The following SRPRA variants were observed in gnomAD, a reference collection of about 807,000 sequenced individuals.
The protein encoded by SRPRA is SRP receptor subunit alpha.
SRPRA carries 30 observed loss-of-function variants against 61.1 expected under a neutral mutation model. The ratio of observed to expected loss-of-function variants is 0.49; its 90% CI spans 0.37 to 0.67. The LOEUF (loss-of-function observed/expected upper bound fraction) is 0.67. Ranked by LOEUF, SRPRA falls within the 30% of genes least tolerant of loss-of-function variation. The pLI is 0.00. For synonymous variants in SRPRA, 324 were observed against 299.7 expected, an observed-to-expected ratio of 1.08 and a Z score of -0.84; for missense variants, 759 against 828.4, an observed-to-expected ratio of 0.92 and a Z score of 1.03.
At chr11:126,241,606 G>A in the SRPRA span, among the ~76,000 whole-genome samples, 4 of 151,878 alleles carry the variant, frequency 2.6e-5, no homozygotes, top group African/African-American at 9.7e-5. Flanking sequence ...CTGAAGTTCA[G>A]TGGTTCGATC....
chr11:126,268,857 G>C lies in SRPRA; in HGVS notation c.-53C>G. The C allele has an allele frequency of 6.9e-7, 1 of 1,452,416 alleles. No homozygotes were observed. Among genetic ancestry groups the C allele is most frequent in the Non-Finnish European group, 9.6e-7 (1 of 1,037,366 alleles). The allele number at this position is 1,452,416 out of a possible 1,614,324, so 90.0% of individuals were successfully genotyped here. ...GGCGCCGGGAATTCAGGCCGCGTTC[G>C]CCGCCGCTTCCTGCTGCGCCAAGCG... On this transcript the variant is annotated 5_prime_UTR_variant, in exon 1 of 14. Transcript: ENST00000332118.
In SRPRA at chr11:126,265,715, T is replaced by G. The variant is rs779699873; in HGVS notation, c.1138+22A>C. The G allele has an allele frequency of 7.4e-6, 12 of 1,612,414 alleles. No individual in the cohort carries two copies. On this transcript the variant is annotated intron_variant, in intron 9 of 13. Transcript: ENST00000332118. The surrounding 1 kb of genome is among the most constrained non-coding windows in gnomAD (Gnocchi z 6.3). ...GCACTTAACCTACACATAAGCACTT[T>G]CTCACTTAGGTAAGTACTTACTGCT...
At position 126,265,883 on chromosome 11, in the gene SRPRA, C is replaced by T. The variant is rs1355144366; in HGVS notation, c.1052-60G>A. The T allele has an allele frequency of 8.1e-6, 13 of 1,611,774 alleles. No homozygotes were observed. The highest frequency in any genetic ancestry group is 8.5e-6 in the Non-Finnish European group (10 of 1,177,934). ...TCAGCAATGACCAATCTTTATGGTA[C>T]AGGTGAGAAACGCTAGGTGATTCTG... On this transcript the variant is annotated intron_variant, in intron 8 of 13. Transcript: ENST00000332118. This position sits in a 1 kb window ranked among gnomAD's most constrained non-coding sequence, Gnocchi z 6.3.
the SRPRA span, among the ~76,000 whole-genome samples, chr11:126,242,860 T>C: frequency 6.6e-6 from 1 of 152,220 alleles, no homozygotes; most frequent in Non-Finnish European, 1.5e-5. Context: ...GCAACTGCAC[T>C]CATAAGTATA....
downstream of SRPRA, chr11:126,261,145 G>T: frequency 3.2e-6 from 1 of 308,682 alleles, no homozygotes; most frequent in East Asian, 7.2e-5. Flanking sequence ...GACACATGTT[G>T]CCTGTATGTG....
the SRPRA span, among the ~76,000 whole-genome samples, chr11:126,244,073 GC>G: frequency 4.6e-5 from 7 of 151,884 alleles, no homozygotes; most frequent in Non-Finnish European, 1.0e-4. This position sits in a 1 kb window ranked among gnomAD's most constrained non-coding sequence, Gnocchi z 4.5. Context: ...AGGAATAATA[GC>G]AAACAATAGA....
At chr11:126,255,808 C>G in the SRPRA span, among the ~76,000 whole-genome samples, 1 of 151,382 alleles carries the variant, frequency 6.6e-6, no homozygotes, top group African/African-American at 2.4e-5. The surrounding 1 kb of genome is among the most constrained non-coding windows in gnomAD (Gnocchi z 4.6). Context: ...GGAAAATTAG[C>G]TGGGCGTGCT....
the SRPRA span, among the ~76,000 whole-genome samples, chr11:126,237,856 C>CAAAA: frequency 1.7e-5 from 1 of 60,030 alleles, no homozygotes; most frequent in Non-Finnish European, 3.4e-5. Flanking sequence ...ACTCCGTCTC[C>CAAAA]AAAAAAAAAA....
At chr11:126,248,964 T>C in the SRPRA span, among the ~76,000 whole-genome samples, 4 of 152,260 alleles carry the variant, frequency 2.6e-5, no homozygotes, top group African/African-American at 9.6e-5. Context: ...GTCTTTTCAG[T>C]TGTAAAGCCA....
In SRPRA at chr11:126,268,872, T is replaced by A. The variant is rs990822995; in HGVS notation, c.-68A>T. 5 of 1,336,290 alleles carry A rather than the reference T, an allele frequency of 3.7e-6. No homozygotes were observed. In the Admixed American group the frequency reaches 5.2e-5, roughly 14 times the overall value. The allele number at this position is 1,336,290 out of a possible 1,614,324, so 82.8% of individuals were successfully genotyped here. ...GGCCGCGTTCGCCGCCGCTTCCTGC[T>A]GCGCCAAGCGCGGGACACGTCACAC... On this transcript the variant is annotated 5_prime_UTR_variant, in exon 1 of 14. Transcript: ENST00000332118.
In SRPRA at chr11:126,264,309, G is replaced by C. The variant is rs748400215; in HGVS notation, c.1690-20C>G. Reference sequence around the variant, plus strand: ...CTTGACCTGGAAAGAAAAAGTGATAGAAGTGTAAGAACCATCTAAATTGAC... The same window carrying C: ...CTTGACCTGGAAAGAAAAAGTGATACAAGTGTAAGAACCATCTAAATTGAC... On this transcript the variant is annotated intron_variant, in intron 12 of 13. Coordinates refer to ENST00000332118, the MANE Select transcript of SRPRA (RefSeq NM_003139.4). This position sits in a 1 kb window ranked among gnomAD's most constrained non-coding sequence, Gnocchi z 5.0. The C allele has an allele frequency of 4.3e-6, 7 of 1,613,368 alleles. No homozygotes were observed. The African/African-American group carries it at 9.3e-5, about 22-fold the overall frequency.
the SRPRA span, among the ~76,000 whole-genome samples, chr11:126,247,800 G>A: frequency 6.7e-5 from 10 of 150,324 alleles, no homozygotes; most frequent in Admixed American, 4.0e-4. Context: ...GGAGGTTGCA[G>A]TGAGCTGAGA....
At chr11:126,241,177 T>C in the SRPRA span, 3 of 1,013,046 alleles carry the variant, frequency 3.0e-6, no homozygotes, top group Non-Finnish European at 4.3e-6. Flanking sequence ...TAGGTTTCCA[T>C]AACATTTGAC....
downstream of SRPRA, among the ~76,000 whole-genome samples, chr11:126,257,938 T>C (rs993145685): frequency 6.6e-6 from 1 of 152,108 alleles, no homozygotes; most frequent in Non-Finnish European, 1.5e-5. Context: ...CACAAACATT[T>C]TTGGTATCAG....
At chr11:126,250,428 T>C in the SRPRA span, 3 of 955,212 alleles carry the variant, frequency 3.1e-6, no homozygotes, top group Non-Finnish European at 4.9e-6. The surrounding 1 kb of genome is among the most constrained non-coding windows in gnomAD (Gnocchi z 5.1). Context: ...TCTTCCAAAA[T>C]TTGTTACTGC....
the SRPRA span, chr11:126,241,219 C>A: frequency 1.6e-6 from 1 of 611,874 alleles, no homozygotes; most frequent in Non-Finnish European, 2.7e-6. Flanking sequence ...ATGGACCCTA[C>A]TCAGGACAGT....
Position 126,265,515 on chromosome 11 carries a change from A to G in SRPRA, c.1139-75T>C. On this transcript the variant is annotated intron_variant, in intron 9 of 13. Coordinates refer to ENST00000332118, the MANE Select transcript of SRPRA (RefSeq NM_003139.4). The surrounding 1 kb of genome is among the most constrained non-coding windows in gnomAD (Gnocchi z 6.3). ...CTCAAAAATGCCTAACACCTTTCTGAGCTAAGGGGACTAAAACAGTAAATT... is the reference window on the plus strand; with the variant it reads ...CTCAAAAATGCCTAACACCTTTCTGGGCTAAGGGGACTAAAACAGTAAATT... The G allele has an allele frequency of 6.6e-7, 1 of 1,506,426 alleles. No individual in the cohort carries two copies. The highest frequency in any genetic ancestry group is 9.0e-7 in the Non-Finnish European group (1 of 1,112,252). The allele number at this position is 1,506,426 out of a possible 1,614,324, so 93.3% of individuals were successfully genotyped here. A position where few individuals can be genotyped will look rare whatever the true frequency, so the allele number is the denominator to read the frequency against.
At chr11:126,250,383 GC>G in the SRPRA span, 5 of 667,534 alleles carry the variant, frequency 7.5e-6, no homozygotes, top group Non-Finnish European at 1.3e-5. The surrounding 1 kb of genome is among the most constrained non-coding windows in gnomAD (Gnocchi z 5.1). Flanking sequence ...GAGCCACTGC[GC>G]CTGGCCTTTA....
the SRPRA span, among the ~76,000 whole-genome samples, chr11:126,254,821 T>C: frequency 1.3e-5 from 2 of 152,188 alleles, no homozygotes; most frequent in African/African-American, 4.8e-5. Context: ...AGCAAGGCCC[T>C]ATCTCTAAAA....
Sources: allele counts gnomAD v4.1 joint callset (sites outside exome capture counted in the v4.1 genomes callset), GRCh38; gene constraint gnomAD v4.1.1; non-coding constraint Gnocchi (gnomAD v3.1); transcripts MANE v1.5; gene names NCBI Gene and HGNC (gene_info 2026-07-23, HGNC 2026-07-21).